CACNA1G: variants seen among roughly 807,000 people sequenced by gnomAD.
CACNA1G encodes the protein calcium voltage-gated channel subunit alpha1 G, also known as voltage-dependent T-type calcium channel subunit alpha-1G.
A neutral mutation model predicts 219.4 loss-of-function variants in CACNA1G; 67 were observed. The ratio of observed to expected loss-of-function variants is 0.31; its 90% CI spans 0.25 to 0.37. CACNA1G has a LOEUF of 0.37. Ranked by LOEUF, CACNA1G falls within the 10% of genes least tolerant of loss-of-function variation. CACNA1G has a pLI of 1.00. For synonymous variants in CACNA1G, 1,296 were observed against 1,345.3 expected (o/e 0.96, Z 0.80); for missense variants, 2,380 against 3,231.4 (o/e 0.74, Z 6.39).
chr17:50,581,607 G>A (rs1294586449), intron 9 of CACNA1G, among the ~76,000 whole-genome samples: 4 of 152,100 alleles, frequency 2.6e-5, no homozygotes, highest in African/African-American at 4.8e-5. Flanking sequence ...ACCCCACCCC[G>A]CCCGGGGCTG....
At chr17:50,615,853 C>G (rs527457482) in intron 27 of CACNA1G, among the ~76,000 whole-genome samples, 1 of 152,330 alleles carries the variant, frequency 6.6e-6, no homozygotes, top group Admixed American at 6.5e-5. Flanking sequence ...AGTTGAGATT[C>G]TAGCGAACGT....
chr17:50,590,969 A>C (rs928983023), intron 10 of CACNA1G, among the ~76,000 whole-genome samples: 2 of 152,064 alleles, frequency 1.3e-5, no homozygotes, highest in East Asian at 1.9e-4. Context: ...AAGAGGTATG[A>C]GGCCCAGCCA....
At chr17:50,594,515 G>A (rs1598404595) in intron 13 of CACNA1G, among the ~76,000 whole-genome samples, 1 of 152,272 alleles carries the variant, frequency 6.6e-6, no homozygotes, top group East Asian at 1.9e-4. Context: ...GGAGAGTGGT[G>A]TTCTGAGCCA....
Position 50,576,042 on chromosome 17 carries a change from C to A in CACNA1G, c.1640C>A (p.Pro547His). The A allele has an allele frequency of 6.4e-7, 1 of 1,573,928 alleles. No homozygotes were observed. The highest frequency in any genetic ancestry group is 8.6e-7 in the Non-Finnish European group (1 of 1,160,804). Reference protein sequence around the residue: ...PSTPALSGAPPGGAESVHSFY... With the variant: ...PSTPALSGAPHGGAESVHSFY... ...ACGCCTGCCCTCTCCGGGGCCCCCCCTGGTGGCGCAGAGTCTGTGCACAGC... is the reference window on the plus strand; with the variant it reads ...ACGCCTGCCCTCTCCGGGGCCCCCCATGGTGGCGCAGAGTCTGTGCACAGC... Residue 547 changes from proline to histidine, a missense_variant, in exon 8 of 38, where the codon CCT becomes CAT. By Grantham distance (77) the Pro-to-His change is moderately conservative. Transcript: ENST00000359106.
intron 19 of CACNA1G, among the ~76,000 whole-genome samples, chr17:50,602,147 C>G (rs373193312): frequency 6.6e-6 from 1 of 152,212 alleles, no homozygotes; most frequent in East Asian, 1.9e-4. Context: ...GTCTCCACGT[C>G]TCTCTCACCA....
intron 3 of CACNA1G, 68 bp from the exon 4 acceptor site, chr17:50,569,638 C>G: frequency 9.1e-7 from 1 of 1,104,590 alleles, no homozygotes; most frequent in Non-Finnish European, 1.3e-6. Context: ...CAGGATTCCT[C>G]ATTGACCTCT....
At chr17:50,624,196 G>A in intron 36 of CACNA1G, 121 bp downstream of exon 36, 3 of 1,327,384 alleles carry the variant, frequency 2.3e-6, no homozygotes, top group Non-Finnish European at 3.1e-6. Flanking sequence ...TGACCTCAGG[G>A]GAGCCTCCAG....
In CACNA1G at chr17:50,571,801, C is replaced by T. The variant is rs552770542; in HGVS notation, c.587-77C>T. ...CTCAGAGTCCCTGGTGGGGCCCCTC[C>T]GGGAGTGCTGCCGGGCCGTGGCAGT... is the stretch of plus-strand genomic sequence containing the variant. On this transcript the variant is annotated intron_variant, in intron 4 of 37. Coordinates refer to ENST00000359106, the MANE Select transcript of CACNA1G (RefSeq NM_018896.5). This position sits in a 1 kb window ranked among gnomAD's most constrained non-coding sequence, Gnocchi z 4.3. 11 of 1,531,894 alleles carry T rather than the reference C, an allele frequency of 7.2e-6. No individual in the cohort carries two copies. Among genetic ancestry groups the T allele is most frequent in the South Asian group, 5.6e-5 (5 of 88,968 alleles). 94.9% of individuals were successfully genotyped at this position (1,531,894 alleles called of 1,614,324 possible).
chr17:50,577,141 C>T (rs750369638), intron 8 of CACNA1G, among the ~76,000 whole-genome samples: 22 of 152,180 alleles, frequency 1.4e-4, no homozygotes, highest in Non-Finnish European at 3.1e-4. Flanking sequence ...TATGCCAGCT[C>T]CTCCACTACC....
chr17:50,584,884 A>AACAGCCATGGGGCCACCACCC (rs1350641294), intron 9 of CACNA1G, among the ~76,000 whole-genome samples: 2 of 152,056 alleles, frequency 1.3e-5, no homozygotes, highest in Admixed American at 6.5e-5. Context: ...AAAGGCATGA[A>AACAGCCATGGGGCCACCACCC]ACAGCCATGG....
chr17:50,572,182 A>T, intron 5 of CACNA1G, 145 bp downstream of exon 5: 1 of 938,522 alleles, frequency 1.1e-6, no homozygotes, highest in South Asian at 1.8e-5. Context: ...TACCCATTGG[A>T]ACCACCTGGG....
At chr17:50,570,399 C>T (rs2039112000) in intron 4 of CACNA1G, among the ~76,000 whole-genome samples, 1 of 152,154 alleles carries the variant, frequency 6.6e-6, no homozygotes. Flanking sequence ...ACATACTGCC[C>T]CCTCCCTTTG....
At position 50,571,801 on chromosome 17, in the gene CACNA1G, CG is replaced by C; in HGVS notation, c.587-74del. On this transcript the variant is annotated intron_variant, in intron 4 of 37. Coordinates refer to ENST00000359106, the MANE Select transcript of CACNA1G (RefSeq NM_018896.5). This position sits in a 1 kb window ranked among gnomAD's most constrained non-coding sequence, Gnocchi z 4.3. Reference sequence around the variant, plus strand: ...CTCAGAGTCCCTGGTGGGGCCCCTCCGGGAGTGCTGCCGGGCCGTGGCAGTC... The same window carrying C: ...CTCAGAGTCCCTGGTGGGGCCCCTCCGGAGTGCTGCCGGGCCGTGGCAGTC... 2 of 1,531,894 alleles carry C rather than the reference CG, an allele frequency of 1.3e-6. No homozygotes were observed. The highest frequency in any genetic ancestry group is 9.0e-7 in the Non-Finnish European group (1 of 1,116,942). 94.9% of individuals were successfully genotyped at this position (1,531,894 alleles called of 1,614,324 possible).
intron 9 of CACNA1G, among the ~76,000 whole-genome samples, chr17:50,584,385 A>T (rs1460781492): frequency 1.3e-5 from 2 of 151,822 alleles, no homozygotes; most frequent in East Asian, 3.9e-4. Flanking sequence ...AGGGTCGGGG[A>T]AGCCAAGGGA....
chr17:50,620,048 T>C (rs1402713106), intron 34 of CACNA1G, among the ~76,000 whole-genome samples: 4 of 151,434 alleles, frequency 2.6e-5, no homozygotes, highest in Non-Finnish European at 4.4e-5. Context: ...ATTGCCCCTC[T>C]GATGAGAAGG....
chr17:50,618,140 G>A lies in CACNA1G; in HGVS notation c.5305+14G>A. 1 of 1,613,712 alleles carries A rather than the reference G, an allele frequency of 6.2e-7. No homozygotes were observed. Among genetic ancestry groups the A allele is most frequent in the Non-Finnish European group, 8.5e-7 (1 of 1,179,736 alleles). Reference sequence around the variant, plus strand: ...TTGGAGACCTGGGTGAGTTGGGGTAGGGGAGGGTGGAGGAGCCAGGGCTGG... The same window carrying A: ...TTGGAGACCTGGGTGAGTTGGGGTAAGGGAGGGTGGAGGAGCCAGGGCTGG... On this transcript the variant is annotated intron_variant, in intron 31 of 37. Coordinates refer to ENST00000359106, the MANE Select transcript of CACNA1G (RefSeq NM_018896.5). This position sits in a 1 kb window ranked among gnomAD's most constrained non-coding sequence, Gnocchi z 5.3.
chr17:50,566,153 A>T (rs1050179237), intron 1 of CACNA1G, among the ~76,000 whole-genome samples: 3 of 152,226 alleles, frequency 2.0e-5, no homozygotes, highest in South Asian at 4.2e-4. Context: ...GTCAGGGGAG[A>T]TCATGTGAGA....
rs752739829 is a variant in CACNA1G at position 50,596,863 on chromosome 17, G to A, written c.3198G>A (p.Ser1066=). ...TGLGEALGPA[S]RRTSSSGSAE... is the part of the protein sequence containing the mutation. ...TGGGCGAGGCGCTGGGCCCTGCGTCGCGCCGCACCAGCAGCAGCGGGTCGG... is the reference window on the plus strand; with the variant it reads ...TGGGCGAGGCGCTGGGCCCTGCGTCACGCCGCACCAGCAGCAGCGGGTCGG... Residue 1066 remains serine, a synonymous_variant, in exon 16 of 38, where the codon TCG becomes TCA. Coordinates refer to ENST00000359106, the MANE Select transcript of CACNA1G (RefSeq NM_018896.5). This position sits in a 1 kb window ranked among gnomAD's most constrained non-coding sequence, Gnocchi z 4.8. 32 of 1,595,614 alleles carry A rather than the reference G, an allele frequency of 2.0e-5. No individual in the cohort carries two copies. Among genetic ancestry groups the A allele is most frequent in the Non-Finnish European group, 2.5e-5 (29 of 1,171,478 alleles).
chr17:50,614,816 G>A lies in CACNA1G; in HGVS notation c.4760-545G>A, dbSNP rs958659960. On this transcript the variant is annotated intron_variant, in intron 26 of 37. Transcript: ENST00000359106. ...GGAGGCCCAGGCCCCGCCTTCTGGA[G>A]GCCCTCTGGGTGGGTCAGTGCAGCC... is the stretch of plus-strand genomic sequence containing the variant. Among the ~76,000 whole-genome samples, 20 of 152,242 alleles carry A rather than the reference G, an allele frequency of 1.3e-4. 1 individual carries two copies. The highest frequency in any genetic ancestry group is 2.9e-5 in the Non-Finnish European group (2 of 68,036).
Sources: allele counts gnomAD v4.1 joint callset (sites outside exome capture counted in the v4.1 genomes callset), GRCh38; gene constraint gnomAD v4.1.1; non-coding constraint Gnocchi (gnomAD v3.1); transcripts MANE v1.5; gene names NCBI Gene and HGNC (gene_info 2026-07-23, HGNC 2026-07-21).